The following DNAH7 variants were observed in gnomAD, a reference collection of about 807,000 sequenced individuals.
The protein encoded by DNAH7 is dynein axonemal heavy chain 7, also known as axonemal beta dynein heavy chain 7.
DNAH7 carries 397 observed loss-of-function variants against 444.6 expected under a neutral mutation model. The ratio of observed to expected loss-of-function variants is 0.89; its 90% CI spans 0.82 to 0.97. The LOEUF is 0.97. DNAH7 is among the 50% of genes least tolerant of loss of function. DNAH7 has a pLI of 0.00. For missense variants in DNAH7, 4,902 were observed against 4,800.8 expected, an observed-to-expected ratio of 1.02 and a Z score of -0.62; for synonymous variants, 1,636 against 1,624.4, an observed-to-expected ratio of 1.01 and a Z score of -0.17.
intron 12 of DNAH7, among the ~76,000 whole-genome samples, chr2:195,993,841 T>C (rs1693512261): frequency 6.6e-6 from 1 of 152,154 alleles, no homozygotes; most frequent in Non-Finnish European, 1.5e-5. Flanking sequence ...GAGATTGAAA[T>C]GCTATTAAGG....
At chr2:195,939,005 C>T (rs867662483) in intron 19 of DNAH7, among the ~76,000 whole-genome samples, 29 of 152,100 alleles carry the variant, frequency 1.9e-4, no homozygotes, top group Non-Finnish European at 3.1e-4. Flanking sequence ...ACTACCTGTG[C>T]GACCTTAGAT....
intron 47 of DNAH7, among the ~76,000 whole-genome samples, chr2:195,838,849 T>C (rs1340080696): frequency 1.3e-5 from 2 of 151,864 alleles, no homozygotes; most frequent in African/African-American, 4.8e-5. Context: ...AAGGGGGACA[T>C]ATGCAACAAC....
At chr2:195,976,175 T>A (rs1341072202) in intron 15 of DNAH7, among the ~76,000 whole-genome samples, 1 of 151,888 alleles carries the variant, frequency 6.6e-6, no homozygotes, top group Non-Finnish European at 1.5e-5. Context: ...TCTGGACCTA[T>A]CTTGGGCCAG....
At chr2:196,040,169 T>G (rs1348511378) in intron 5 of DNAH7, among the ~76,000 whole-genome samples, 5 of 152,178 alleles carry the variant, frequency 3.3e-5, no homozygotes, top group African/African-American at 7.2e-5. Flanking sequence ...CCAATTTTTC[T>G]CAAACTATTC....
chr2:195,848,726 C>A (rs1699170704), intron 46 of DNAH7, among the ~76,000 whole-genome samples: 1 of 152,114 alleles, frequency 6.6e-6, no homozygotes, highest in African/African-American at 2.4e-5. Flanking sequence ...AGCTGGGTTT[C>A]ACATGTTTCC....
intron 62 of DNAH7, among the ~76,000 whole-genome samples, 160 bp from the exon 63 acceptor site, chr2:195,754,674 C>G (rs943178468): frequency 6.6e-6 from 1 of 152,016 alleles, no homozygotes; most frequent in Non-Finnish European, 1.5e-5. Flanking sequence ...CCATGCCTGG[C>G]TAATTTTTTT....
At chr2:195,820,751 G>A (rs1161060092) in intron 49 of DNAH7, among the ~76,000 whole-genome samples, 1 of 151,980 alleles carries the variant, frequency 6.6e-6, no homozygotes, top group East Asian at 1.9e-4. Context: ...GAAATCTGAG[G>A]GTTTTTTTAA....
intron 29 of DNAH7, 69 bp from the exon 30 acceptor site, chr2:195,895,293 T>C: frequency 1.9e-6 from 2 of 1,049,400 alleles, no homozygotes; most frequent in Non-Finnish European, 2.7e-6. Flanking sequence ...TTTGTATTGA[T>C]GGAAATAGGG....
At chr2:195,780,420 T>C (rs945033278) in intron 58 of DNAH7, among the ~76,000 whole-genome samples, 3 of 152,284 alleles carry the variant, frequency 2.0e-5, no homozygotes, top group African/African-American at 7.2e-5. Flanking sequence ...ACTTCTATGA[T>C]GTTTATGATA....
chr2:195,878,072 A>G (rs546568299), intron 36 of DNAH7, among the ~76,000 whole-genome samples: 2 of 152,366 alleles, frequency 1.3e-5, no homozygotes, highest in East Asian at 1.9e-4. Context: ...ATTTAAAGAA[A>G]CAACTCCCTA....
rs1696879668 is a variant in DNAH7 at position 195,809,802 on chromosome 2, CT to C, written c.9830del (p.Lys3277ArgfsTer10). 3 of 1,600,520 alleles carry C rather than the reference CT, an allele frequency of 1.9e-6. No individual in the cohort carries two copies. Among genetic ancestry groups the C allele is most frequent in the Admixed American group, 3.4e-5 (2 of 58,766 alleles). On this transcript the variant is annotated frameshift_variant, in exon 52 of 65. Transcript: ENST00000312428. LOFTEE classifies it high-confidence loss of function. Reference sequence around the variant, plus strand: ...GACAAAAGGAAAAGAGCAGCTTATCCTTTTCAAAGAGTGACCGGCAGACATT... The same window carrying C: ...GACAAAAGGAAAAGAGCAGCTTATCCTTTCAAAGAGTGACCGGCAGACATT... The part of the protein sequence containing the change: ...YVNVCRSLFE[K>X]DKLLFSFCLT...
At chr2:196,012,253 C>G (rs1694766225) in intron 10 of DNAH7, among the ~76,000 whole-genome samples, 1 of 151,994 alleles carries the variant, frequency 6.6e-6, no homozygotes, top group Non-Finnish European at 1.5e-5. Context: ...TGTCTGATTC[C>G]CAGATTATGA....
intron 18 of DNAH7, among the ~76,000 whole-genome samples, chr2:195,959,865 A>G (rs981176437): frequency 1.3e-5 from 2 of 152,240 alleles, no homozygotes; most frequent in South Asian, 2.1e-4. Flanking sequence ...ATGTATTTTT[A>G]AAACAAAATT....
At chr2:195,914,364 G>T (rs1349559129) in intron 24 of DNAH7, among the ~76,000 whole-genome samples, 1 of 152,198 alleles carries the variant, frequency 6.6e-6, no homozygotes, top group Non-Finnish European at 1.5e-5. Flanking sequence ...ACTGTAAAGG[G>T]ATTCCTATAT....
intron 19 of DNAH7, among the ~76,000 whole-genome samples, chr2:195,949,806 C>T (rs1014763970): frequency 6.6e-6 from 1 of 152,076 alleles, no homozygotes; most frequent in Non-Finnish European, 1.5e-5. Flanking sequence ...GAGTTTTTAG[C>T]ATAATGTGAT....
At chr2:195,810,663 T>A (rs1231691901) in intron 51 of DNAH7, among the ~76,000 whole-genome samples, 2 of 152,082 alleles carry the variant, frequency 1.3e-5, no homozygotes, top group Non-Finnish European at 2.9e-5. Context: ...ACGTGCCTAT[T>A]TTCTTAACTA....
chr2:196,046,982 C>G (rs1697169512), intron 5 of DNAH7, among the ~76,000 whole-genome samples: 1 of 152,120 alleles, frequency 6.6e-6, no homozygotes, highest in South Asian at 2.1e-4. Context: ...CCATTTCACC[C>G]CAATTCCTTT....
chr2:196,021,655 A>T (rs559664436), intron 8 of DNAH7, among the ~76,000 whole-genome samples: 1 of 143,106 alleles, frequency 7.0e-6, no homozygotes, highest in South Asian at 2.2e-4. Flanking sequence ...TTGCGTCTCT[A>T]AAAAAAAAAA....
At chr2:196,041,566 A>G (rs758469747) in intron 5 of DNAH7, among the ~76,000 whole-genome samples, 4 of 152,148 alleles carry the variant, frequency 2.6e-5, no homozygotes, top group Non-Finnish European at 5.9e-5. Flanking sequence ...ATGAAAATGG[A>G]TTAAAGACTT....
Sources: gnomAD v4.1 joint callset for allele counts (sites outside exome capture counted in the v4.1 genomes callset) on GRCh38, gnomAD v4.1.1 for gene constraint, MANE v1.5 for transcripts, NCBI Gene and HGNC (gene_info 2026-07-23, HGNC 2026-07-21) for gene names.